NDUFV2: variants seen among roughly 807,000 people sequenced by gnomAD.
The protein encoded by NDUFV2 is NADH:ubiquinone oxidoreductase core subunit V2, also known as NADH dehydrogenase [ubiquinone] flavoprotein 2, mitochondrial.
NDUFV2 carries 18 observed loss-of-function variants against 31.6 expected under a neutral mutation model. That is an observed-to-expected ratio of 0.57 (90% CI 0.39 to 0.84). The LOEUF (loss-of-function observed/expected upper bound fraction) is 0.84. NDUFV2 is among the 40% of genes least tolerant of loss of function. The probability of loss-of-function intolerance (pLI) is 0.00; values close to 1 mark genes in which losing one functional copy is unlikely to be tolerated. For synonymous variants in NDUFV2, 83 were observed against 99.8 expected (o/e 0.83, Z 1.01); for missense variants, 314 against 303.6 (o/e 1.03, Z -0.26).
intron 1 of NDUFV2, among the ~76,000 whole-genome samples, chr18:9,113,422 A>G (rs567995345): frequency 1.3e-5 from 2 of 152,334 alleles, no homozygotes; most frequent in Non-Finnish European, 2.9e-5. Flanking sequence ...CCCATTTGTA[A>G]GCTAACAAGT....
intron 1 of NDUFV2, among the ~76,000 whole-genome samples, chr18:9,109,372 T>C (rs1248481099): frequency 6.6e-6 from 1 of 152,244 alleles, no homozygotes; most frequent in East Asian, 1.9e-4. Flanking sequence ...ACTGCTTCTG[T>C]CAGTTTTGTC....
Position 9,132,204 on chromosome 18 carries a change from G to A in NDUFV2, c.657-1982G>A, listed in dbSNP as rs943764583. 6 of 152,272 alleles carry A rather than the reference G, an allele frequency of 3.9e-5. No individual in the cohort carries two copies. The East Asian group carries it at 1.2e-3, about 29-fold the overall frequency. The allele number at this position is 152,272 out of a possible 1,614,324, so 9.4% of individuals were successfully genotyped here. On this transcript the variant is annotated intron_variant, in intron 7 of 7. Transcript: ENST00000318388. ...ATATAAAATTCTATAATCCTGTGAA[G>A]AACTCAGGAAGTACTTACGATTAAT... is the stretch of plus-strand genomic sequence containing the variant.
intron 1 of NDUFV2, among the ~76,000 whole-genome samples, chr18:9,113,189 G>A (rs753025342): frequency 2.0e-5 from 3 of 152,182 alleles, no homozygotes; most frequent in African/African-American, 4.8e-5. Context: ...ATTAAGAGAT[G>A]TATTTCATGG....
intron 1 of NDUFV2, among the ~76,000 whole-genome samples, chr18:9,109,155 C>T (rs1375227298): frequency 6.6e-6 from 1 of 152,150 alleles, no homozygotes; most frequent in African/African-American, 2.4e-5. Context: ...ACGGAGGGAC[C>T]TCAGACCACT....
At position 9,102,699 on chromosome 18, in the gene NDUFV2, A is replaced by T. The variant is rs553008837; in HGVS notation, c.-45A>T. The T allele has an allele frequency of 1.2e-5, 19 of 1,560,910 alleles. No homozygotes were observed. The African/African-American group carries it at 2.4e-4, about 19-fold the overall frequency. ...GCTGTGCGCCCTGGGCGCGCTCGGG[A>T]TTCTCGCCTGGCGCGGCTGGGGAAG... On this transcript the variant is annotated 5_prime_UTR_variant, in exon 1 of 8. Transcript: ENST00000318388.
In NDUFV2 at chr18:9,123,678, G is replaced by A. The variant is rs9953021; in HGVS notation, c.469+997G>A. ...TGATTTTTGTTTGTTTTTGTAGAGA[G>A]GGGTCTTGCTATGTTGCCCAGGCTG... is the stretch of plus-strand genomic sequence containing the variant. On this transcript the variant is annotated intron_variant, in intron 5 of 7. Transcript: ENST00000318388. Among the ~76,000 whole-genome samples the A allele has an allele frequency of 3.8e-3, 585 of 152,184 alleles. 3 individuals carry two copies. Among genetic ancestry groups the A allele is most frequent in the African/African-American group, 0.013 (520 of 41,522 alleles).
chr18:9,121,803 A>G (rs1162579137), intron 4 of NDUFV2, among the ~76,000 whole-genome samples: 2 of 152,192 alleles, frequency 1.3e-5, no homozygotes, highest in Non-Finnish European at 2.9e-5. Context: ...TGAACACCAG[A>G]ATGTCAAAAC....
chr18:9,126,156 C>T (rs2077988763), intron 6 of NDUFV2, among the ~76,000 whole-genome samples: 1 of 152,120 alleles, frequency 6.6e-6, no homozygotes, highest in Non-Finnish European at 1.5e-5. Context: ...ATATAGTAGC[C>T]TGTAGATGGG....
In NDUFV2 at chr18:9,102,757, C is replaced by A. The variant is rs771291959; in HGVS notation, c.14C>A (p.Ala5Glu). Residue 5 changes from alanine (A) to glutamate (E), a missense_variant, in exon 1 of 8, where the codon GCG (alanine) becomes GAG (glutamate). Transcript: ENST00000318388. ...GTGTGGCCCGCCATGTTCTTCTCCG[C>A]GGCGCTCCGGGCCCGGGCGGCTGGC... MFFS[A>E]ALRARAAGLT... The A allele has an allele frequency of 1.9e-6, 3 of 1,588,102 alleles. No individual in the cohort carries two copies. Among genetic ancestry groups the A allele is most frequent in the East Asian group, 2.3e-5 (1 of 43,478 alleles).
At chr18:9,129,871 C>T (rs1034790031) in intron 7 of NDUFV2, among the ~76,000 whole-genome samples, 4 of 152,118 alleles carry the variant, frequency 2.6e-5, no homozygotes, top group African/African-American at 7.2e-5. Context: ...AATGAGCAAT[C>T]TTAAAATACT....
chr18:9,119,826 GTT>G (rs993181743), intron 4 of NDUFV2, among the ~76,000 whole-genome samples: 2 of 144,732 alleles, frequency 1.4e-5, no homozygotes, highest in South Asian at 2.2e-4. Flanking sequence ...GAGGGTATGT[GTT>G]TTTTTTTTTC....
chr18:9,105,380 G>T (rs2077836625), intron 1 of NDUFV2, among the ~76,000 whole-genome samples: 1 of 152,106 alleles, frequency 6.6e-6, no homozygotes, highest in East Asian at 1.9e-4. Context: ...ATCTCTTTGA[G>T]CCTCATTTTT....
At chr18:9,105,694 G>T (rs971713796) in intron 1 of NDUFV2, among the ~76,000 whole-genome samples, 2 of 152,190 alleles carry the variant, frequency 1.3e-5, no homozygotes, top group Non-Finnish European at 2.9e-5. Context: ...TCAGTTTACA[G>T]TGGGGTTATC....
intron 6 of NDUFV2, among the ~76,000 whole-genome samples, chr18:9,126,284 AC>A (rs1455595760): frequency 1.3e-5 from 2 of 152,224 alleles, no homozygotes; most frequent in Non-Finnish European, 2.9e-5. Flanking sequence ...CTTCAGTAAT[AC>A]AGCATTTATT....
At chr18:9,132,972 C>T (rs944970839) in intron 7 of NDUFV2, among the ~76,000 whole-genome samples, 2 of 152,188 alleles carry the variant, frequency 1.3e-5, no homozygotes, top group Non-Finnish European at 2.9e-5. Context: ...AAGTTTCAGG[C>T]TCTTACAGTA....
intron 1 of NDUFV2, chr18:9,105,111 A>G: frequency 1.0e-6 from 1 of 953,674 alleles, no homozygotes; most frequent in South Asian, 4.4e-5. Flanking sequence ...TTACTTATAC[A>G]ACCAGGCCCT....
At chr18:9,127,979 C>G (rs1031134125) in intron 7 of NDUFV2, among the ~76,000 whole-genome samples, 1 of 152,204 alleles carries the variant, frequency 6.6e-6, no homozygotes, top group African/African-American at 2.4e-5. Flanking sequence ...ACCTGTGTTA[C>G]ATTAATTACT....
At chr18:9,125,416 G>A (rs576606459) in intron 6 of NDUFV2, among the ~76,000 whole-genome samples, 19 of 152,128 alleles carry the variant, frequency 1.2e-4, no homozygotes, top group Non-Finnish European at 2.5e-4. Flanking sequence ...ATATATGTAT[G>A]CAGCTATACT....
intron 1 of NDUFV2, among the ~76,000 whole-genome samples, chr18:9,116,750 T>C (rs2077900220): frequency 6.6e-6 from 1 of 152,252 alleles, no homozygotes; most frequent in Non-Finnish European, 1.5e-5. Flanking sequence ...GTTATATTAC[T>C]CCGTTTACTT....
Sources: allele counts gnomAD v4.1 joint callset (sites outside exome capture counted in the v4.1 genomes callset), GRCh38; gene constraint gnomAD v4.1.1; transcripts MANE v1.5; gene names NCBI Gene and HGNC (gene_info 2026-07-23, HGNC 2026-07-21).